The following PRRG4 variants were observed in gnomAD, a reference collection of about 807,000 sequenced individuals.
The protein encoded by PRRG4 is proline rich and Gla domain 4, also known as transmembrane gamma-carboxyglutamic acid protein 4.
Under a neutral mutation model 20.0 loss-of-function variants are expected in PRRG4, and 12 were observed. The observed-to-expected ratio is 0.60, with a 90% CI of 0.38 to 0.97. The LOEUF (loss-of-function observed/expected upper bound fraction) is 0.97. Among genes scored for constraint, PRRG4 ranks in the 50% least tolerant of loss-of-function variants. The pLI, the probability that PRRG4 is intolerant of heterozygous loss-of-function variation, is 0.00. For synonymous variants in PRRG4, 94 were observed against 96.4 expected (o/e 0.98, Z 0.15); for missense variants, 199 against 265.1 (o/e 0.75, Z 1.73).
At position 32,853,899 on chromosome 11, in the gene PRRG4, G is replaced by C. The variant is rs950940942; in HGVS notation, c.*372G>C. 5.4e-6 allele frequency: 1 copy of C among 183,756 alleles called. No homozygotes were observed. Among genetic ancestry groups the C allele is most frequent in the Non-Finnish European group, 1.2e-5 (1 of 86,402 alleles). 11.4% of individuals were successfully genotyped at this position (183,756 alleles called of 1,614,324 possible). ...AGAAGGAGAAGGAGATGAAGGAGGAGGAGGAGGAGAAGGAGAAGAAGAAGA... is the reference window on the plus strand; with the variant it reads ...AGAAGGAGAAGGAGATGAAGGAGGACGAGGAGGAGAAGGAGAAGAAGAAGA... On this transcript the variant is annotated 3_prime_UTR_variant, in exon 6 of 6. Transcript: ENST00000257836.
intron 2 of PRRG4, among the ~76,000 whole-genome samples, chr11:32,831,736 C>A (rs1357047992): frequency 1.3e-5 from 2 of 152,122 alleles, no homozygotes; most frequent in African/African-American, 4.8e-5. Context: ...ATAAGAGACA[C>A]TCTCGCCGGC....
rs191428386 is a variant in PRRG4, at chr11:32,852,037, C to G, written c.450-1259C>G. ...AAAACCATAGGTTTAAGACCCCAGGCCCATGTTGCATTTCATTGGCTGACA... is the reference window on the plus strand; with the variant it reads ...AAAACCATAGGTTTAAGACCCCAGGGCCATGTTGCATTTCATTGGCTGACA... On this transcript the variant is annotated intron_variant, in intron 5 of 5. Transcript: ENST00000257836. Among the ~76,000 whole-genome samples the G allele has an allele frequency of 3.5e-3, 537 of 152,226 alleles. 2 individuals are homozygous for G. Among genetic ancestry groups the G allele is most frequent in the Non-Finnish European group, 6.2e-3 (422 of 68,014 alleles).
At chr11:32,836,550 G>A (rs1322483546) in intron 2 of PRRG4, 108 bp from the exon 3 acceptor site, 1 of 512,282 alleles carries the variant, frequency 2.0e-6, no homozygotes. Context: ...AAAAAGTTTG[G>A]TATAATTTAG....
Position 32,857,913 on chromosome 11 carries a change from C to T in PRRG4, c.*4386C>T, listed in dbSNP as rs1392182946. 6.6e-6 allele frequency: 1 copy of T among 152,126 alleles called. No individual in the cohort carries two copies. Among genetic ancestry groups the T allele is most frequent in the Non-Finnish European group, 1.5e-5 (1 of 68,006 alleles). 9.4% of individuals were successfully genotyped at this position (152,126 alleles called of 1,614,324 possible). A position where few individuals can be genotyped will look rare whatever the true frequency, so the allele number is the denominator to read the frequency against. On this transcript the variant is annotated 3_prime_UTR_variant, in exon 6 of 6. Coordinates refer to ENST00000257836, the MANE Select transcript of PRRG4 (RefSeq NM_024081.6). ...TATATTTTGTGTCTCCTCCAACCTC[C>T]AACTTTTTTTGTTTTTTGAAAAATG...
intron 2 of PRRG4, among the ~76,000 whole-genome samples, chr11:32,835,391 G>A (rs1296586718): frequency 2.0e-5 from 3 of 152,136 alleles, no homozygotes; most frequent in South Asian, 2.1e-4. Context: ...AAAAGTATCC[G>A]CACTTTTAAA....
rs7933966 is a variant in PRRG4 at position 32,854,051 on chromosome 11, T to C, written c.*524T>C. 0.58 allele frequency: 88,313 copies of C among 153,296 alleles called. 25,906 individuals carry two copies. The highest frequency in any genetic ancestry group is 0.68 in the South Asian group (3,319 of 4,914). 9.5% of individuals were successfully genotyped at this position (153,296 alleles called of 1,614,324 possible). ...GCATCTTGGACCTGAACTTGATCAT[T>C]ATCAGCTTGATAAGAGACTTTTTGA... On this transcript the variant is annotated 3_prime_UTR_variant, in exon 6 of 6. Coordinates refer to ENST00000257836, the MANE Select transcript of PRRG4 (RefSeq NM_024081.6).
intron 5 of PRRG4, among the ~76,000 whole-genome samples, chr11:32,844,760 C>G (rs1488288925): frequency 6.6e-6 from 1 of 152,082 alleles, no homozygotes; most frequent in Non-Finnish European, 1.5e-5. Context: ...CTTGGCCTCC[C>G]AAAGTGCTGG....
At chr11:32,850,673 T>C (rs1007113395) in intron 5 of PRRG4, among the ~76,000 whole-genome samples, 20 of 152,208 alleles carry the variant, frequency 1.3e-4, no homozygotes, top group African/African-American at 4.3e-4. Flanking sequence ...TTTGTTTCTA[T>C]ATTTTGCAAA....
chr11:32,838,673 T>TA (rs1185018442), intron 3 of PRRG4, among the ~76,000 whole-genome samples: 3 of 152,080 alleles, frequency 2.0e-5, no homozygotes, highest in African/African-American at 7.2e-5. Context: ...GGACTGGCAG[T>TA]AATCCCTTGA....
In PRRG4 at chr11:32,853,557, G is replaced by A. The variant is rs758699262; in HGVS notation, c.*30G>A. ...CTTGTCATTTTGGTATAAGAAATTT[G>A]TGTTATTTGATAGGCCGGGCATGGT... On this transcript the variant is annotated 3_prime_UTR_variant, in exon 6 of 6. Transcript: ENST00000257836. The A allele has an allele frequency of 6.4e-6, 10 of 1,573,938 alleles. No homozygotes were observed. The highest frequency in any genetic ancestry group is 8.7e-6 in the Non-Finnish European group (10 of 1,149,250).
intron 5 of PRRG4, among the ~76,000 whole-genome samples, chr11:32,846,624 T>C (rs1169163314): frequency 6.9e-6 from 1 of 144,352 alleles, no homozygotes; most frequent in Non-Finnish European, 1.6e-5. Flanking sequence ...ACAAGGATGC[T>C]AGCATGGCAA....
intron 5 of PRRG4, among the ~76,000 whole-genome samples, chr11:32,852,948 T>C (rs1851196428): frequency 6.9e-6 from 1 of 144,948 alleles, no homozygotes; most frequent in African/African-American, 2.6e-5. Context: ...AATTTTTTTT[T>C]TTTTTTTTTT....
At chr11:32,846,171 T>A (rs891649894) in intron 5 of PRRG4, among the ~76,000 whole-genome samples, 134 of 151,624 alleles carry the variant, frequency 8.8e-4, no homozygotes, top group African/African-American at 2.8e-3. Flanking sequence ...TAATAAAAAA[T>A]AATAATAATA....
chr11:32,849,072 T>A (rs1441233365), intron 5 of PRRG4, among the ~76,000 whole-genome samples: 2 of 151,870 alleles, frequency 1.3e-5, no homozygotes, highest in Non-Finnish European at 2.9e-5. Flanking sequence ...TCTCTAAGTG[T>A]AATAAAGGAG....
chr11:32,831,862 T>C (rs1047100890), intron 2 of PRRG4, among the ~76,000 whole-genome samples: 1 of 151,810 alleles, frequency 6.6e-6, no homozygotes, highest in African/African-American at 2.4e-5. Context: ...CTCTACTAAA[T>C]ATACAAAAAT....
chr11:32,834,894 A>T (rs1314224809), intron 2 of PRRG4, among the ~76,000 whole-genome samples: 2 of 152,132 alleles, frequency 1.3e-5, no homozygotes, highest in Non-Finnish European at 2.9e-5. Flanking sequence ...GCTCACTGCA[A>T]CCTCTGCCTC....
chr11:32,833,912 T>C (rs2664693), intron 2 of PRRG4, among the ~76,000 whole-genome samples: 1 of 151,908 alleles, frequency 6.6e-6, no homozygotes. Context: ...AGGGATGGGG[T>C]TTCAAGGTAG....
intron 5 of PRRG4, among the ~76,000 whole-genome samples, chr11:32,844,752 T>C (rs945095663): frequency 6.6e-6 from 1 of 152,042 alleles, no homozygotes; most frequent in African/African-American, 2.4e-5. Context: ...CCTCGTGCCT[T>C]GGCCTCCCAA....
At chr11:32,848,822 A>G (rs1239856770) in intron 5 of PRRG4, among the ~76,000 whole-genome samples, 1 of 151,964 alleles carries the variant, frequency 6.6e-6, no homozygotes. Context: ...AAATACAAAA[A>G]TTAGCTGGGC....
Sources: gnomAD v4.1 joint callset for allele counts (sites outside exome capture counted in the v4.1 genomes callset) on GRCh38, gnomAD v4.1.1 for gene constraint, MANE v1.5 for transcripts, NCBI Gene and HGNC (gene_info 2026-07-23, HGNC 2026-07-21) for gene names.